Variants in DMRT1 observed in about 807,000 individuals in gnomAD.
The protein encoded by DMRT1 is doublesex and mab-3 related transcription factor 1.
A neutral mutation model predicts 32.3 loss-of-function variants in DMRT1; 7 were observed. That is an observed-to-expected ratio of 0.22 (90% CI 0.12 to 0.41). The LOEUF (loss-of-function observed/expected upper bound fraction) is 0.41. Ranked by LOEUF, DMRT1 falls within the 10% of genes least tolerant of loss-of-function variation. The probability of loss-of-function intolerance (pLI) is 1.00; values close to 1 mark genes in which losing one functional copy is unlikely to be tolerated. For missense variants in DMRT1, 625 were observed against 500.5 expected, an observed-to-expected ratio of 1.25 and a Z score of -2.37; for synonymous variants, 278 against 206.1, an observed-to-expected ratio of 1.35 and a Z score of -2.99.
At chr9:872,743 G>A (rs1010258206) in intron 2 of DMRT1, among the ~76,000 whole-genome samples, 10 of 152,150 alleles carry the variant, frequency 6.6e-5, no homozygotes, top group African/African-American at 1.7e-4. Context: ...AACATTTTAT[G>A]TTCAAATTTT....
intron 4 of DMRT1, among the ~76,000 whole-genome samples, chr9:930,024 C>T (rs1415560494): frequency 3.9e-5 from 6 of 152,248 alleles, no homozygotes; most frequent in South Asian, 2.1e-4. Flanking sequence ...TGTGCCCAGC[C>T]GTCTTGACTT....
intron 4 of DMRT1, among the ~76,000 whole-genome samples, chr9:955,358 A>G (rs771476062): frequency 4.6e-5 from 7 of 152,220 alleles, no homozygotes; most frequent in Non-Finnish European, 1.0e-4. Context: ...ACAGTAGGTC[A>G]TGACTAAGGG....
chr9:874,446 A>T (rs1353578800), intron 2 of DMRT1, among the ~76,000 whole-genome samples: 1 of 152,126 alleles, frequency 6.6e-6, no homozygotes, highest in African/African-American at 2.4e-5. Flanking sequence ...GAACTTGTAT[A>T]TAAGTTTATT....
intron 2 of DMRT1, among the ~76,000 whole-genome samples, chr9:884,007 C>T (rs546823121): frequency 2.0e-5 from 3 of 152,164 alleles, no homozygotes; most frequent in African/African-American, 4.8e-5. Flanking sequence ...ATAAATTAAT[C>T]GTTTACATGA....
rs879617917 is a variant in DMRT1 at position 861,789 on chromosome 9, C to T, written c.538+14646C>T. ...GCGGAGATGCTCCCCACTTCCCAGACGGGGCGGCTGCCGGGCGGGGGGGGG... is the reference window on the plus strand; with the variant it reads ...GCGGAGATGCTCCCCACTTCCCAGATGGGGCGGCTGCCGGGCGGGGGGGGG... On this transcript the variant is annotated intron_variant, in intron 2 of 4. Transcript: ENST00000382276. Among the ~76,000 whole-genome samples, 624 of 105,266 alleles carry T rather than the reference C, an allele frequency of 5.9e-3. 8 individuals are homozygous for T. The highest frequency in any genetic ancestry group is 9.7e-3 in the Non-Finnish European group (480 of 49,642). 69.1% of individuals were successfully genotyped at this position (105,266 alleles called of 152,430 possible).
At chr9:902,978 T>A (rs1340972777) in intron 3 of DMRT1, among the ~76,000 whole-genome samples, 1 of 152,182 alleles carries the variant, frequency 6.6e-6, no homozygotes, top group Non-Finnish European at 1.5e-5. Context: ...TCCAAAGTCA[T>A]GATAGACCCT....
At chr9:948,656 T>C (rs1442563700) in intron 4 of DMRT1, among the ~76,000 whole-genome samples, 1 of 152,122 alleles carries the variant, frequency 6.6e-6, no homozygotes, top group Non-Finnish European at 1.5e-5. Context: ...CAGCTTACAC[T>C]GTGTTGACTG....
chr9:897,172 G>A (rs1205867836), intron 3 of DMRT1, among the ~76,000 whole-genome samples: 1 of 151,372 alleles, frequency 6.6e-6, no homozygotes, highest in East Asian at 1.9e-4. Context: ...GGGTGCAGTG[G>A]CGCCATCTCG....
intron 2 of DMRT1, among the ~76,000 whole-genome samples, chr9:865,187 A>G (rs4740953): frequency 0.066 from 10,019 of 152,182 alleles, 671 homozygotes; most frequent in East Asian, 0.21. Context: ...GTTCTCGAAT[A>G]TTGAAGACAC....
At chr9:957,168 A>G (rs1819627023) in intron 4 of DMRT1, among the ~76,000 whole-genome samples, 1 of 152,170 alleles carries the variant, frequency 6.6e-6, no homozygotes. Context: ...TCTTTTCTTG[A>G]AGGCAGACTA....
intron 3 of DMRT1, among the ~76,000 whole-genome samples, chr9:916,511 C>A (rs181859823): frequency 6.6e-6 from 1 of 152,152 alleles, no homozygotes; most frequent in African/African-American, 2.4e-5. Flanking sequence ...GCTGAGATCT[C>A]ACTCGTGCAC....
At chr9:875,889 A>G (rs1161751727) in intron 2 of DMRT1, among the ~76,000 whole-genome samples, 1 of 152,134 alleles carries the variant, frequency 6.6e-6, no homozygotes, top group African/African-American at 2.4e-5. Context: ...CTGCTGGAAA[A>G]TAGCTGCGTC....
At chr9:904,999 G>A (rs1449567032) in intron 3 of DMRT1, among the ~76,000 whole-genome samples, 5 of 151,862 alleles carry the variant, frequency 3.3e-5, no homozygotes, top group East Asian at 3.9e-4. Flanking sequence ...ATCAGAGCCC[G>A]GGGAGAACTG....
chr9:963,624 C>G (rs1388357863), intron 4 of DMRT1, among the ~76,000 whole-genome samples: 1 of 152,174 alleles, frequency 6.6e-6, no homozygotes, highest in Non-Finnish European at 1.5e-5. Flanking sequence ...ATCCCTTGTT[C>G]TGAGTGCCAA....
intron 2 of DMRT1, among the ~76,000 whole-genome samples, chr9:887,106 A>T (rs553779590): frequency 6.6e-6 from 1 of 152,164 alleles, no homozygotes; most frequent in African/African-American, 2.4e-5. Flanking sequence ...CAGGAGAATC[A>T]CTTGAACCTG....
chr9:940,085 A>G lies in DMRT1; in HGVS notation c.967+23178A>G, dbSNP rs553942228. 9.2e-5 allele frequency among the ~76,000 whole-genome samples: 14 copies of G among 152,262 alleles called. No individual in the cohort carries two copies. In the East Asian group the frequency reaches 2.3e-3, roughly 25 times the overall value. The stretch of plus-strand genomic sequence containing the variant: ...AACAAGAGTTGGGAAGGATATGGAA[A>G]AAGTTGAACCATCATGCACTGCTGA... On this transcript the variant is annotated intron_variant, in intron 4 of 4. Coordinates refer to ENST00000382276, the MANE Select transcript of DMRT1 (RefSeq NM_021951.3).
chr9:890,385 AGAAAG>A (rs1422010326), intron 2 of DMRT1, among the ~76,000 whole-genome samples: 1 of 152,216 alleles, frequency 6.6e-6, no homozygotes, highest in Non-Finnish European at 1.5e-5. Flanking sequence ...AGAGGAGAGA[AGAAAG>A]GAAAGGAATA....
chr9:938,810 G>T (rs1310792354), intron 4 of DMRT1, among the ~76,000 whole-genome samples: 1 of 152,172 alleles, frequency 6.6e-6, no homozygotes, highest in African/African-American at 2.4e-5. Context: ...ATCGTTGTTT[G>T]GTTTCTGATT....
At chr9:959,303 GCA>G (rs1819695084) in intron 4 of DMRT1, among the ~76,000 whole-genome samples, 1 of 152,206 alleles carries the variant, frequency 6.6e-6, no homozygotes, top group Non-Finnish European at 1.5e-5. Flanking sequence ...CATTTGCATT[GCA>G]CAGAGTCCCT....
Sources: allele counts gnomAD v4.1 joint callset (sites outside exome capture counted in the v4.1 genomes callset), GRCh38; gene constraint gnomAD v4.1.1; transcripts MANE v1.5; gene names NCBI Gene and HGNC (gene_info 2026-07-23, HGNC 2026-07-21).